Variants in JMJD1C observed in about 807,000 individuals in gnomAD.
The protein encoded by JMJD1C is jumonji domain containing 1C, also known as jumonji domain-containing protein 1C.
JMJD1C carries 31 observed loss-of-function variants against 245.3 expected under a neutral mutation model. The observed-to-expected ratio is 0.13, with a 90% CI of 0.09 to 0.17. The LOEUF is 0.17. Ranked by LOEUF, JMJD1C falls within the 10% of genes least tolerant of loss-of-function variation. The pLI, the probability that JMJD1C is intolerant of heterozygous loss-of-function variation, is 1.00. For synonymous variants in JMJD1C, 1,057 were observed against 1,017.4 expected (o/e 1.04, Z -0.74); for missense variants, 2,691 against 3,000.2 (o/e 0.90, Z 2.41).
intron 2 of JMJD1C, among the ~76,000 whole-genome samples, chr10:63,306,759 T>C (rs189044568): frequency 3.9e-5 from 6 of 152,308 alleles, no homozygotes; most frequent in African/African-American, 1.4e-4. Context: ...CGATGTATTA[T>C]TGAGATAACA....
intron 2 of JMJD1C, among the ~76,000 whole-genome samples, chr10:63,379,850 T>C (rs2134496076): frequency 6.6e-6 from 1 of 152,334 alleles, no homozygotes; most frequent in South Asian, 2.1e-4. Context: ...CTCTGCCAGA[T>C]TCATCAGAGA....
intron 2 of JMJD1C, among the ~76,000 whole-genome samples, chr10:63,291,532 T>C (rs1423961259): frequency 1.3e-5 from 2 of 151,490 alleles, no homozygotes; most frequent in Non-Finnish European, 2.9e-5. Flanking sequence ...GGAGAATCGC[T>C]TGAACCCGCG....
chr10:63,284,365 G>T (rs1857734939), intron 2 of JMJD1C, among the ~76,000 whole-genome samples: 1 of 152,092 alleles, frequency 6.6e-6, no homozygotes, highest in South Asian at 2.1e-4. Flanking sequence ...TGGTGAATTA[G>T]ATTGAGCTTT....
chr10:63,427,761 G>T, intron 1 of JMJD1C: 1 of 1,360,060 alleles, frequency 7.4e-7, no homozygotes, highest in Non-Finnish European at 1.1e-6. Context: ...AAAGCAACGT[G>T]ACCAAGACTA....
Position 63,193,162 on chromosome 10 carries a change from A to G in JMJD1C, c.5863-11T>C, listed in dbSNP as rs1589111152. 1 of 1,597,134 alleles carries G rather than the reference A, an allele frequency of 6.3e-7. No individual in the cohort carries two copies. Among genetic ancestry groups the G allele is most frequent in the Non-Finnish European group, 8.6e-7 (1 of 1,166,494 alleles). On this transcript the variant is annotated splice_polypyrimidine_tract_variant and intron_variant, in intron 15 of 25. Transcript: ENST00000399262. ...AACATTCTGTAAAACCTACAAAGGT[A>G]GAACAATTACATTTTTAAACACTTT...
At chr10:63,171,310 G>C (rs1294347012) in intron 24 of JMJD1C, among the ~76,000 whole-genome samples, 1 of 152,108 alleles carries the variant, frequency 6.6e-6, no homozygotes, top group African/African-American at 2.4e-5. Flanking sequence ...TTCACAGACT[G>C]AGTCCCAGTT....
chr10:63,350,248 G>A (rs1327953885), intron 2 of JMJD1C, among the ~76,000 whole-genome samples: 1 of 152,098 alleles, frequency 6.6e-6, no homozygotes, highest in Non-Finnish European at 1.5e-5. Flanking sequence ...TGTAGGAAAA[G>A]CTATTCTCAC....
intron 11 of JMJD1C, among the ~76,000 whole-genome samples, chr10:63,199,463 C>G (rs1004433063): frequency 6.6e-6 from 1 of 152,136 alleles, no homozygotes; most frequent in Non-Finnish European, 1.5e-5. Context: ...CCCTACTTTT[C>G]ATACCTTTAT....
intron 1 of JMJD1C, among the ~76,000 whole-genome samples, chr10:63,457,854 T>A (rs1952513983): frequency 6.6e-6 from 1 of 152,214 alleles, no homozygotes; most frequent in African/African-American, 2.4e-5. Context: ...AAAACTCTTT[T>A]CAGTTTTTCG....
chr10:63,466,918 A>AG (rs1953314292), upstream of JMJD1C, among the ~76,000 whole-genome samples: 1 of 152,166 alleles, frequency 6.6e-6, no homozygotes, highest in Non-Finnish European at 1.5e-5. Flanking sequence ...GTCAGTGAGC[A>AG]GTTCGATTTC....
rs777046704 is a variant in JMJD1C at position 63,167,839 on chromosome 10, T to A, written c.*206A>T. ...CAAAACAGCTATATAGTGCTGCTTT[T>A]AAAATTCTGCTTGTTTTATAACATT... On this transcript the variant is annotated 3_prime_UTR_variant, in exon 26 of 26. Transcript: ENST00000399262. The A allele has an allele frequency of 2.6e-5, 13 of 494,980 alleles. No homozygotes were observed. Among genetic ancestry groups the A allele is most frequent in the Non-Finnish European group, 4.3e-5 (12 of 276,742 alleles). 30.7% of individuals were successfully genotyped at this position (494,980 alleles called of 1,614,324 possible).
chr10:63,201,236 C>CT (rs1280271798), intron 10 of JMJD1C, among the ~76,000 whole-genome samples: 1 of 152,086 alleles, frequency 6.6e-6, no homozygotes, highest in Non-Finnish European at 1.5e-5. Context: ...AGAAGAGGTG[C>CT]TTAGCTATTT....
In JMJD1C at chr10:63,418,194, A is replaced by G. The variant is rs1224996394; in HGVS notation, c.169-37712T>C. Among the ~76,000 whole-genome samples, 3 of 152,186 alleles carry G rather than the reference A, an allele frequency of 2.0e-5. No homozygotes were observed. In the East Asian group the frequency reaches 5.8e-4, roughly 29 times the overall value. On this transcript the variant is annotated intron_variant, in intron 1 of 25. Coordinates refer to ENST00000399262, the MANE Select transcript of JMJD1C (RefSeq NM_032776.3). Reference sequence around the variant, plus strand: ...CTTAGCCATACTACTATAGTTTCTCATTCAGAAGATCTGAGGCAGGATCAG... The same window carrying G: ...CTTAGCCATACTACTATAGTTTCTCGTTCAGAAGATCTGAGGCAGGATCAG...
chr10:63,511,976 CACTT>C lies in JMJD1C; in HGVS notation n.113+9758_113+9761del, dbSNP rs936000507. On this transcript the variant is annotated intron_variant and non_coding_transcript_variant, in intron 1 of 3. Coordinates refer to the JMJD1C transcript ENST00000633035. ...CGGTTTCCCTGGAGTTTGCAATAAA[CACTT>C]ACAACTCATTCAAGTCCACTCTCAA... 1.1e-4 allele frequency among the ~76,000 whole-genome samples: 17 copies of C among 152,228 alleles called. No individual in the cohort carries two copies. In the East Asian group the frequency reaches 3.1e-3, roughly 28 times the overall value.
At chr10:63,197,245 C>T (rs1845559255) in intron 13 of JMJD1C, among the ~76,000 whole-genome samples, 166 bp downstream of exon 13, 1 of 150,680 alleles carries the variant, frequency 6.6e-6, no homozygotes. Flanking sequence ...GAAAATATAG[C>T]CGTTAATAAA....
At position 63,465,793 on chromosome 10, in the gene JMJD1C, G is replaced by C. The variant is rs1276988490; in HGVS notation, c.-131C>G. On this transcript the variant is annotated 5_prime_UTR_variant, in exon 1 of 26. Coordinates refer to ENST00000399262, the MANE Select transcript of JMJD1C (RefSeq NM_032776.3). Reference sequence around the variant, plus strand: ...AGCGGACCCGAAAGAGCGCAGACTCGGGACGAACCGGCCGCTCTGCCCCGG... The same window carrying C: ...AGCGGACCCGAAAGAGCGCAGACTCCGGACGAACCGGCCGCTCTGCCCCGG... 1.5e-5 allele frequency: 16 copies of C among 1,081,144 alleles called. No individual in the cohort carries two copies. The highest frequency in any genetic ancestry group is 2.5e-5 in the East Asian group (1 of 39,400). The allele number at this position is 1,081,144 out of a possible 1,614,324, so 67.0% of individuals were successfully genotyped here.
chr10:63,371,409 A>T (rs942324868), intron 2 of JMJD1C, among the ~76,000 whole-genome samples: 1 of 152,218 alleles, frequency 6.6e-6, no homozygotes, highest in Non-Finnish European at 1.5e-5. Flanking sequence ...CCAAAATATT[A>T]ATTTAACAGC....
chr10:63,492,083 C>T (rs1371126952), intron 1 of JMJD1C, among the ~76,000 whole-genome samples: 1 of 152,154 alleles, frequency 6.6e-6, no homozygotes, highest in Non-Finnish European at 1.5e-5. Flanking sequence ...GTCACCCAGG[C>T]TGGAGTAAAG....
intron 14 of JMJD1C, 76 bp from the exon 15 acceptor site, chr10:63,193,548 TTTGTA>T (rs765980997): frequency 4.2e-5 from 44 of 1,044,502 alleles, no homozygotes; most frequent in Admixed American, 8.0e-5. Context: ...CTTACAATAT[TTTGTA>T]TTATAATTGG....
Sources: gnomAD v4.1 joint callset for allele counts (sites outside exome capture counted in the v4.1 genomes callset) on GRCh38, gnomAD v4.1.1 for gene constraint, MANE v1.5 for transcripts, NCBI Gene and HGNC (gene_info 2026-07-23, HGNC 2026-07-21) for gene names.